The following KCNH7 variants were observed in gnomAD, a reference collection of about 807,000 sequenced individuals.
KCNH7 encodes potassium voltage-gated channel subfamily H member 7, also known as voltage-gated inwardly rectifying potassium channel KCNH7.
Under a neutral mutation model 120.8 loss-of-function variants are expected in KCNH7, and 49 were observed. The observed-to-expected ratio is 0.41, with a 90% CI of 0.32 to 0.51. The LOEUF (loss-of-function observed/expected upper bound fraction) is 0.51. Ranked by LOEUF, KCNH7 falls within the 20% of genes least tolerant of loss-of-function variation. KCNH7 has a pLI of 0.38. For missense variants in KCNH7, 1,097 were observed against 1,446.6 expected (o/e 0.76, Z 3.92); for synonymous variants, 547 against 516.1 (o/e 1.06, Z -0.81).
At chr2:162,754,175 C>A (rs1049932846) in intron 2 of KCNH7, among the ~76,000 whole-genome samples, 2 of 151,604 alleles carry the variant, frequency 1.3e-5, no homozygotes, top group African/African-American at 2.4e-5. Flanking sequence ...TTCATAATAA[C>A]AAAGGGTGAA....
intron 3 of KCNH7, 93 bp downstream of exon 3, chr2:162,536,832 A>AT: frequency 1.7e-6 from 2 of 1,162,360 alleles, no homozygotes; most frequent in Non-Finnish European, 2.5e-6. Flanking sequence ...ATATAAAGAT[A>AT]TTTTGAGAAC....
At chr2:162,469,129 A>G (rs1452217929) in intron 6 of KCNH7, among the ~76,000 whole-genome samples, 1 of 151,890 alleles carries the variant, frequency 6.6e-6, no homozygotes, top group African/African-American at 2.4e-5. Flanking sequence ...GGTGTGAGCA[A>G]CTGTGCTTTG....
At chr2:162,657,009 C>G (rs553652051) in intron 2 of KCNH7, among the ~76,000 whole-genome samples, 2 of 152,218 alleles carry the variant, frequency 1.3e-5, no homozygotes, top group Non-Finnish European at 2.9e-5. Flanking sequence ...GCAAAACTGC[C>G]ACTTAAATAT....
chr2:162,423,519 G>A lies in KCNH7; in HGVS notation c.1971C>T (p.Ser657=). The part of the protein sequence containing the change: ...VMLIGSLMYA[S]IFGNVSAIIQ... ...TAATTGCAGATACATTCCCAAAAAT[G>A]CTTGCATACATTAGTGCTGGATTGG... The change falls in exon 9 of 16, where the codon AGC becomes AGT. Residue 657 remains serine (S), a synonymous_variant. Transcript: ENST00000332142. 6.2e-7 allele frequency: 1 copy of A among 1,613,790 alleles called. No homozygotes were observed. Among genetic ancestry groups the A allele is most frequent in the Non-Finnish European group, 8.5e-7 (1 of 1,179,754 alleles).
At chr2:162,802,157 T>A (rs947405285) in intron 2 of KCNH7, among the ~76,000 whole-genome samples, 1 of 151,668 alleles carries the variant, frequency 6.6e-6, no homozygotes, top group Non-Finnish European at 1.5e-5. Flanking sequence ...TGGTGTTGGT[T>A]CTGGAACTAG....
At chr2:162,776,420 G>T (rs1321336768) in intron 2 of KCNH7, among the ~76,000 whole-genome samples, 1 of 152,210 alleles carries the variant, frequency 6.6e-6, no homozygotes. Flanking sequence ...CAGCTGAAAA[G>T]ACATATTGAT....
chr2:162,724,081 G>T (rs943822104), intron 2 of KCNH7, among the ~76,000 whole-genome samples: 1 of 152,146 alleles, frequency 6.6e-6, no homozygotes, highest in Non-Finnish European at 1.5e-5. Context: ...ACTTCAGCCT[G>T]TCTAATATCT....
chr2:162,478,214 C>T (rs1222533009), intron 6 of KCNH7, among the ~76,000 whole-genome samples: 1 of 152,104 alleles, frequency 6.6e-6, no homozygotes, highest in East Asian at 1.9e-4. Context: ...TCAAGGCTCC[C>T]AATGATCTGG....
chr2:162,733,101 T>G (rs1343447205), intron 2 of KCNH7, among the ~76,000 whole-genome samples: 1 of 152,160 alleles, frequency 6.6e-6, no homozygotes, highest in Non-Finnish European at 1.5e-5. Context: ...GCCAGGACTT[T>G]CCAGGAAGTG....
At chr2:162,697,091 C>T (rs1020143702) in intron 2 of KCNH7, among the ~76,000 whole-genome samples, 5 of 151,788 alleles carry the variant, frequency 3.3e-5, no homozygotes, top group Non-Finnish European at 7.4e-5. Flanking sequence ...AGTTTGTAAC[C>T]ACCAATAAAT....
chr2:162,830,710 C>A (rs1005774444), intron 2 of KCNH7, among the ~76,000 whole-genome samples: 6 of 152,156 alleles, frequency 3.9e-5, no homozygotes. Flanking sequence ...GGGCTCCACT[C>A]TCCTGAATGG....
intron 2 of KCNH7, among the ~76,000 whole-genome samples, chr2:162,719,337 G>T (rs1034215348): frequency 2.0e-5 from 3 of 151,922 alleles, no homozygotes; most frequent in Non-Finnish European, 4.4e-5. Flanking sequence ...TTCATTACAG[G>T]TATGCTGAAT....
chr2:162,643,120 T>G (rs1684223837), intron 2 of KCNH7, among the ~76,000 whole-genome samples: 1 of 152,194 alleles, frequency 6.6e-6, no homozygotes, highest in African/African-American at 2.4e-5. Flanking sequence ...TGAAATATTT[T>G]AATGACTCTA....
At chr2:162,452,349 A>C (rs1288088316) in intron 6 of KCNH7, among the ~76,000 whole-genome samples, 1 of 152,138 alleles carries the variant, frequency 6.6e-6, no homozygotes, top group Admixed American at 6.6e-5. Flanking sequence ...GATTGAAAAA[A>C]AGAAATAGGT....
At chr2:162,486,868 T>G (rs1002836517) in intron 6 of KCNH7, among the ~76,000 whole-genome samples, 25 of 152,342 alleles carry the variant, frequency 1.6e-4, no homozygotes, top group African/African-American at 5.8e-4. Context: ...TTTTATAGAC[T>G]TATTTAATTC....
At chr2:162,836,408 C>G in intron 2 of KCNH7, 129 bp downstream of exon 2, 2 of 713,128 alleles carry the variant, frequency 2.8e-6, no homozygotes, top group South Asian at 3.8e-5. Flanking sequence ...TGTTGGATCC[C>G]AAAATACTAT....
At chr2:162,828,343 A>C (rs1167024461) in intron 2 of KCNH7, among the ~76,000 whole-genome samples, 1 of 152,048 alleles carries the variant, frequency 6.6e-6, no homozygotes, top group Non-Finnish European at 1.5e-5. Flanking sequence ...TTGTATTTTA[A>C]TTTTTATCAT....
intron 3 of KCNH7, among the ~76,000 whole-genome samples, chr2:162,536,656 A>G (rs1692118207): frequency 1.3e-5 from 2 of 152,012 alleles, no homozygotes; most frequent in East Asian, 1.9e-4. Context: ...TTTGTAACAG[A>G]CAAAGTTTGA....
intron 2 of KCNH7, among the ~76,000 whole-genome samples, chr2:162,785,849 T>C (rs527541701): frequency 6.6e-6 from 1 of 152,320 alleles, no homozygotes; most frequent in South Asian, 2.1e-4. Context: ...CTCCTGAGAA[T>C]GGACACTGAA....
Sources: allele counts gnomAD v4.1 joint callset (sites outside exome capture counted in the v4.1 genomes callset), GRCh38; gene constraint gnomAD v4.1.1; transcripts MANE v1.5; gene names NCBI Gene and HGNC (gene_info 2026-07-23, HGNC 2026-07-21).